Variants in MBNL3 observed in about 807,000 individuals in gnomAD.
The protein encoded by MBNL3 is muscleblind like splicing regulator 3, also known as muscleblind-like protein 3.
In MBNL3, 6 loss-of-function variants were observed where a neutral mutation model predicts 24.5. The observed-to-expected ratio is 0.25, with a 90% confidence interval of 0.13 to 0.48. The LOEUF (loss-of-function observed/expected upper bound fraction) is 0.48, where lower values mean the gene tolerates loss of function less well. Ranked by LOEUF, MBNL3 falls within the 20% of genes least tolerant of loss-of-function variation. The probability of loss-of-function intolerance (pLI) is 0.99; values close to 1 mark genes in which losing one functional copy is unlikely to be tolerated. For missense variants in MBNL3, 230 were observed against 293.5 expected, an observed-to-expected ratio of 0.78 and a Z score of 1.58; for synonymous variants, 100 against 101.7, an observed-to-expected ratio of 0.98 and a Z score of 0.10.
intron 1 of MBNL3, among the ~76,000 whole-genome samples, chrX:132,470,467 G>A (rs866449308): frequency 5.0e-4 from 56 of 111,104 alleles, no homozygotes; most frequent in African/African-American, 1.8e-3. Flanking sequence ...CAAATATCAG[G>A]GAAAAATCAA....
At chrX:132,406,764 G>A (rs1941893515) in intron 2 of MBNL3, among the ~76,000 whole-genome samples, 1 of 111,982 alleles carries the variant, frequency 8.9e-6, no homozygotes, top group Non-Finnish European at 1.9e-5. Flanking sequence ...TGGCATGGCT[G>A]CTGATTATGG....
intron 1 of MBNL3, among the ~76,000 whole-genome samples, chrX:132,472,194 G>T (rs1187237705): frequency 8.9e-6 from 1 of 111,973 alleles, no homozygotes; most frequent in African/African-American, 3.2e-5. Flanking sequence ...AGTATTGGAA[G>T]AATCAAATTC....
chrX:132,445,548 A>G (rs900977808), intron 1 of MBNL3, among the ~76,000 whole-genome samples: 1 of 111,331 alleles, frequency 9.0e-6, no homozygotes, highest in Non-Finnish European at 1.9e-5. Flanking sequence ...TGGGATAGTA[A>G]ATTCCATATG....
At chrX:132,391,911 C>T (rs972287961) in intron 4 of MBNL3, among the ~76,000 whole-genome samples, 1 of 111,925 alleles carries the variant, frequency 8.9e-6, no homozygotes, top group Non-Finnish European at 1.9e-5. Flanking sequence ...CTTCCTGTGC[C>T]ATCGCACAGT....
In MBNL3 at chrX:132,406,400, T is replaced by G; in HGVS notation, c.178-8A>C. ...CTCTCGGGTACACCGACCCTGACAATGAAGAATAGGGAAAATATTAAATTA... is the reference window on the plus strand; with the variant it reads ...CTCTCGGGTACACCGACCCTGACAAGGAAGAATAGGGAAAATATTAAATTA... On this transcript the variant is annotated splice_polypyrimidine_tract_variant and splice_region_variant and intron_variant, in intron 2 of 8. Transcript: ENST00000370853. 1 of 1,174,547 alleles carries G rather than the reference T, an allele frequency of 8.5e-7. No homozygotes were observed. The highest frequency in any genetic ancestry group is 1.1e-6 in the Non-Finnish European group (1 of 876,749).
chrX:132,387,201 C>T (rs1350997028), intron 5 of MBNL3, among the ~76,000 whole-genome samples: 1 of 100,665 alleles, frequency 9.9e-6, no homozygotes, highest in Non-Finnish European at 2.0e-5. Flanking sequence ...GAGCCCAGGA[C>T]GTCAAGACTG....
At chrX:132,397,687 T>C (rs892977432) in intron 3 of MBNL3, among the ~76,000 whole-genome samples, 4 of 111,721 alleles carry the variant, frequency 3.6e-5, no homozygotes, top group Non-Finnish European at 7.5e-5. Context: ...AAAGGAAGGC[T>C]CTTTTTACGG....
chrX:132,484,164 G>C (rs778699038), intron 1 of MBNL3, among the ~76,000 whole-genome samples: 1 of 111,703 alleles, frequency 9.0e-6, no homozygotes, highest in African/African-American at 3.3e-5. Context: ...CCCAAAGCTG[G>C]CACTGCTTGC....
Position 132,442,126 on chromosome X carries a change from TAC to T in MBNL3, c.-703-1814_-703-1813del, listed in dbSNP as rs772569944. ...TAAGGGCGAATGACTGCTTAATGGG[TAC>T]AGAGTCTCCTTTAGGGGGTGATGAA... On this transcript the variant is annotated intron_variant, in intron 1 of 8. Coordinates refer to ENST00000370853, the MANE Select transcript of MBNL3 (RefSeq NM_001386889.1). 2.7e-5 allele frequency among the ~76,000 whole-genome samples: 3 copies of T among 111,374 alleles called. No individual in the cohort carries two copies. The East Asian group carries it at 8.5e-4, about 32-fold the overall frequency.
At chrX:132,478,192 C>T (rs1422824096) in intron 1 of MBNL3, among the ~76,000 whole-genome samples, 1 of 96,614 alleles carries the variant, frequency 1.0e-5, no homozygotes, top group Non-Finnish European at 2.2e-5. Flanking sequence ...TTTTAGTTGT[C>T]ATTTTGTTGT....
At chrX:132,439,342 C>T in intron 2 of MBNL3, 93 bp downstream of exon 2, 1 of 952,395 alleles carries the variant, frequency 1.0e-6, no homozygotes, top group Non-Finnish European at 1.4e-6. Context: ...CACTTTCATG[C>T]TATTATTAAT....
chrX:132,475,702 T>C (rs763508286), intron 1 of MBNL3, among the ~76,000 whole-genome samples: 1 of 111,684 alleles, frequency 9.0e-6, no homozygotes, highest in Non-Finnish European at 1.9e-5. Flanking sequence ...TATTCCTATA[T>C]ATAAACTCCT....
chrX:132,382,254 G>A lies in MBNL3; in HGVS notation c.977C>T (p.Ala326Val). Reference sequence around the variant, plus strand: ...TGCTGCAGACACAGTGGTAGGTGTAGCACCGTGCATCATGGGCACTTTCAG... The same window carrying A: ...TGCTGCAGACACAGTGGTAGGTGTAACACCGTGCATCATGGGCACTTTCAG... ...ASNIVPMMHG[A>V]TPTTVSAATT... The change falls in exon 8 of 9, where the codon GCT becomes GTT. Residue 326 changes from alanine to valine, a missense_variant. Ala to Val is a moderately conservative substitution (Grantham distance 64, BLOSUM62 0). Transcript: ENST00000370853. 8.3e-7 allele frequency: 1 copy of A among 1,204,426 alleles called. No individual in the cohort carries two copies. Among genetic ancestry groups the A allele is most frequent in the Non-Finnish European group, 1.1e-6 (1 of 890,827 alleles).
At chrX:132,446,961 G>C (rs1449061139) in intron 1 of MBNL3, among the ~76,000 whole-genome samples, 1 of 111,821 alleles carries the variant, frequency 8.9e-6, no homozygotes, top group East Asian at 2.8e-4. Flanking sequence ...TCAGTTTTCT[G>C]CATATGGCTA....
At chrX:132,489,820 C>G (rs1299271621), upstream of MBNL3, 1 of 110,572 alleles carries the variant, frequency 9.0e-6, no homozygotes, top group East Asian at 2.9e-4. Context: ...TCACCTGGCT[C>G]CGCGCGCCGC....
In MBNL3 at chrX:132,420,618, C is replaced by T. The variant is rs201174890; in HGVS notation, c.178-14226G>A. 5.4e-5 allele frequency among the ~76,000 whole-genome samples: 6 copies of T among 111,061 alleles called. No homozygotes were observed. In the East Asian group the frequency reaches 1.7e-3, roughly 32 times the overall value. ...CCTAATTAGCATTTTAGTGAGCTCTCTTTACTACCTGATTGATCGGGTGTG... is the reference window on the plus strand; with the variant it reads ...CCTAATTAGCATTTTAGTGAGCTCTTTTTACTACCTGATTGATCGGGTGTG... On this transcript the variant is annotated intron_variant, in intron 2 of 8. Coordinates refer to ENST00000370853, the MANE Select transcript of MBNL3 (RefSeq NM_001386889.1).
At position 132,374,191 on chromosome X, in the gene MBNL3, T is replaced by C. The variant is rs1933897887; in HGVS notation, c.*5475A>G. Reference sequence around the variant, plus strand: ...CTTTCTGTGAAAGATGAAATCTTATTCTATCATAACGGTAATATCTATCTT... The same window carrying C: ...CTTTCTGTGAAAGATGAAATCTTATCCTATCATAACGGTAATATCTATCTT... On this transcript the variant is annotated 3_prime_UTR_variant, in exon 9 of 9. Coordinates refer to ENST00000370853, the MANE Select transcript of MBNL3 (RefSeq NM_001386889.1). 1 of 111,565 alleles carries C rather than the reference T, an allele frequency of 9.0e-6. No homozygotes were observed. Among genetic ancestry groups the C allele is most frequent in the African/African-American group, 3.2e-5 (1 of 30,773 alleles). The allele number at this position is 111,565 out of a possible 1,213,427, so 9.2% of individuals were successfully genotyped here.
At chrX:132,460,158 C>T (rs1946559340) in intron 1 of MBNL3, among the ~76,000 whole-genome samples, 1 of 111,264 alleles carries the variant, frequency 9.0e-6, no homozygotes, top group South Asian at 3.8e-4. Context: ...TTTATATAAT[C>T]AAAATAAATA....
chrX:132,445,849 G>T (rs896357353), intron 1 of MBNL3, among the ~76,000 whole-genome samples: 1 of 111,130 alleles, frequency 9.0e-6, no homozygotes, highest in African/African-American at 3.3e-5. Flanking sequence ...GGAACGTGCA[G>T]GTTTGTTACA....
Sources: allele counts gnomAD v4.1 joint callset (sites outside exome capture counted in the v4.1 genomes callset), GRCh38; gene constraint gnomAD v4.1.1; transcripts MANE v1.5; gene names NCBI Gene and HGNC (gene_info 2026-07-23, HGNC 2026-07-21).